Variants in MMP26 observed in about 807,000 individuals in gnomAD.
The protein encoded by MMP26 is matrix metallopeptidase 26.
MMP26 carries 33 observed loss-of-function variants against 31.0 expected under a neutral mutation model. The observed-to-expected ratio is 1.06, with a 90% CI of 0.81 to 1.42. The LOEUF is 1.42. Ranked by LOEUF, MMP26 falls within the 40% of genes most tolerant of loss-of-function variation. The pLI, the probability that MMP26 is intolerant of heterozygous loss-of-function variation, is 0.00. For synonymous variants in MMP26, 122 were observed against 114.9 expected (o/e 1.06, Z -0.40); for missense variants, 347 against 316.1 (o/e 1.10, Z -0.74).
At chr11:4,726,309 C>G (rs1280477473) in intron 1 of MMP26, among the ~76,000 whole-genome samples, 1 of 151,826 alleles carries the variant, frequency 6.6e-6, no homozygotes, top group African/African-American at 2.4e-5. Flanking sequence ...ACTAAAAATA[C>G]AAAATTAGCC....
At chr11:4,926,388 A>G (rs1261742608) in intron 2 of MMP26, among the ~76,000 whole-genome samples, 1 of 152,144 alleles carries the variant, frequency 6.6e-6, no homozygotes, top group Non-Finnish European at 1.5e-5. Context: ...CTTATGGGAG[A>G]GAGAGCATTC....
intron 1 of MMP26, among the ~76,000 whole-genome samples, chr11:4,751,657 T>C (rs1848448184): frequency 6.6e-6 from 1 of 152,172 alleles, no homozygotes; most frequent in South Asian, 2.1e-4. Context: ...CAGGATTTGC[T>C]GCTTCATTTA....
At chr11:4,830,033 C>A (rs1489475179) in intron 2 of MMP26, 1 of 152,154 alleles carries the variant, frequency 6.6e-6, no homozygotes, top group Non-Finnish European at 1.5e-5. Context: ...TGAGACAAAT[C>A]AAAGCAAAAT....
intron 2 of MMP26, chr11:4,907,327 A>G: frequency 2.2e-6 from 3 of 1,348,726 alleles, no homozygotes; most frequent in Non-Finnish European, 2.1e-6. Context: ...CTTTTCATTT[A>G]TATGGTTTCA....
intron 2 of MMP26, among the ~76,000 whole-genome samples, chr11:4,784,859 G>T (rs1221216285): frequency 6.6e-6 from 1 of 152,148 alleles, no homozygotes; most frequent in Non-Finnish European, 1.5e-5. Flanking sequence ...TGAGTACAAT[G>T]TTATGTTTCA....
chr11:4,848,236 C>T (rs1402431320), intron 2 of MMP26: 7 of 1,596,696 alleles, frequency 4.4e-6, no homozygotes, highest in Non-Finnish European at 6.0e-6. Context: ...GGACATCCTA[C>T]TCACTGAGCA....
At chr11:4,811,165 T>G (rs1294545271) in intron 2 of MMP26, among the ~76,000 whole-genome samples, 1 of 152,220 alleles carries the variant, frequency 6.6e-6, no homozygotes, top group African/African-American at 2.4e-5. Context: ...CATTGGAATT[T>G]CTGGCTTCAA....
intron 2 of MMP26, among the ~76,000 whole-genome samples, chr11:4,858,699 C>A (rs1850095420): frequency 6.6e-6 from 1 of 152,184 alleles, no homozygotes; most frequent in Non-Finnish European, 1.5e-5. Context: ...CAATGGCTTT[C>A]TTCACAAAAT....
intron 2 of MMP26, chr11:4,849,304 C>A: frequency 7.6e-7 from 1 of 1,324,378 alleles, no homozygotes; most frequent in South Asian, 1.4e-5. Flanking sequence ...TCCAAAATAG[C>A]CTGCATCTTC....
At chr11:4,748,187 G>A (rs1333800838) in intron 1 of MMP26, among the ~76,000 whole-genome samples, 3 of 151,884 alleles carry the variant, frequency 2.0e-5, no homozygotes, top group Non-Finnish European at 4.4e-5. Context: ...TCACAAACTA[G>A]AAATCCTCAA....
At chr11:4,822,323 T>G (rs148927072) in intron 2 of MMP26, 25 of 1,501,460 alleles carry the variant, frequency 1.7e-5, no homozygotes, top group Non-Finnish European at 2.1e-5. Flanking sequence ...ATTAAGCAGA[T>G]TCAAAAGGCC....
intron 2 of MMP26, among the ~76,000 whole-genome samples, chr11:4,939,932 G>A (rs111953961): frequency 0.019 from 2,849 of 152,196 alleles, 35 homozygotes; most frequent in Middle Eastern, 0.037. Flanking sequence ...AGCTAAAATA[G>A]TCTTATGTCA....
At chr11:4,817,551 C>T (rs1849438320) in intron 2 of MMP26, among the ~76,000 whole-genome samples, 1 of 152,144 alleles carries the variant, frequency 6.6e-6, no homozygotes, top group Non-Finnish European at 1.5e-5. Context: ...TCTGCCATTG[C>T]ACTCCATTCT....
At chr11:4,706,041 C>A (rs936588146) in intron 1 of MMP26, among the ~76,000 whole-genome samples, 4 of 151,964 alleles carry the variant, frequency 2.6e-5, no homozygotes, top group Non-Finnish European at 5.9e-5. Flanking sequence ...CCCTCTGTTA[C>A]AAGAATCCTA....
chr11:4,908,421 G>C, intron 2 of MMP26: 1 of 856,038 alleles, frequency 1.2e-6, no homozygotes, highest in Non-Finnish European at 1.9e-6. Context: ...GAAGTGAAAA[G>C]CTATGTAGTG....
At chr11:4,820,525 ACTCC>A (rs1333217579) in intron 2 of MMP26, among the ~76,000 whole-genome samples, 1 of 138,488 alleles carries the variant, frequency 7.2e-6, no homozygotes, top group African/African-American at 2.7e-5. Context: ...CTTCTTTCTC[ACTCC>A]CTCCCTTCTT....
At chr11:4,864,124 C>T (rs1399322497) in intron 2 of MMP26, among the ~76,000 whole-genome samples, 21 of 151,998 alleles carry the variant, frequency 1.4e-4, no homozygotes, top group African/African-American at 4.3e-4. Context: ...TTGTTTGGAA[C>T]GGATAGAATG....
chr11:4,887,191 A>C (rs1339897180), intron 2 of MMP26, among the ~76,000 whole-genome samples: 1 of 152,046 alleles, frequency 6.6e-6, no homozygotes, highest in Non-Finnish European at 1.5e-5. Flanking sequence ...ACAGCTGTTT[A>C]ATAAATCTCA....
chr11:4,837,792 C>A (rs937634569), intron 2 of MMP26, among the ~76,000 whole-genome samples: 5 of 151,998 alleles, frequency 3.3e-5, no homozygotes, highest in African/African-American at 9.7e-5. Flanking sequence ...AAGGAAAGAA[C>A]AATTGAGGCT....
Sources: gnomAD v4.1 joint callset for allele counts (sites outside exome capture counted in the v4.1 genomes callset) on GRCh38, gnomAD v4.1.1 for gene constraint, MANE v1.5 for transcripts, NCBI Gene and HGNC (gene_info 2026-07-23, HGNC 2026-07-21) for gene names.